The following ADGRG5 variants were observed in gnomAD, a reference collection of about 807,000 sequenced individuals.
The protein encoded by ADGRG5 is adhesion G protein-coupled receptor G5, also known as G protein-coupled receptor 114.
ADGRG5 carries 37 observed loss-of-function variants against 53.2 expected under a neutral mutation model. That is an observed-to-expected ratio of 0.70 (90% confidence interval 0.53 to 0.91). The LOEUF (loss-of-function observed/expected upper bound fraction) is 0.91. ADGRG5 is among the 40% of genes least tolerant of loss of function. The probability of loss-of-function intolerance (pLI) is 0.00; values close to 1 mark genes in which losing one functional copy is unlikely to be tolerated. For synonymous variants in ADGRG5, 277 were observed against 290.4 expected (o/e 0.95, Z 0.47); for missense variants, 614 against 675.8 (o/e 0.91, Z 1.01).
chr16:57,536,763 G>T, the ADGRG5 span, among the ~76,000 whole-genome samples: 1 of 152,138 alleles, frequency 6.6e-6, no homozygotes, highest in African/African-American at 2.4e-5. Context: ...CCGGGGCGGT[G>T]GGCTCTGCTG....
At chr16:57,564,108 C>A in intron 5 of ADGRG5, 129 bp downstream of exon 5, 1 of 1,017,904 alleles carries the variant, frequency 9.8e-7, no homozygotes, top group African/African-American at 1.6e-5. Context: ...TCTGTGCAAT[C>A]CAAGCCAGCA....
intron 1 of ADGRG5, among the ~76,000 whole-genome samples, chr16:57,549,741 A>G (rs1476053990): frequency 6.6e-6 from 1 of 152,184 alleles, no homozygotes; most frequent in Non-Finnish European, 1.5e-5. Flanking sequence ...CTCCCTGGCA[A>G]CTACTGATTT....
chr16:57,545,871 G>T, intron 1 of ADGRG5, among the ~76,000 whole-genome samples: 1 of 152,122 alleles, frequency 6.6e-6, no homozygotes, highest in Non-Finnish European at 1.5e-5. Flanking sequence ...TGTCACCCAG[G>T]CTGGAGTGCA....
chr16:57,568,599 C>A (rs1196377468), intron 9 of ADGRG5, among the ~76,000 whole-genome samples: 1 of 151,334 alleles, frequency 6.6e-6, no homozygotes, highest in Non-Finnish European at 1.5e-5. Flanking sequence ...CCATCATCAC[C>A]ATCATCATCA....
chr16:57,555,957 C>A (rs745497975), intron 1 of ADGRG5, among the ~76,000 whole-genome samples: 1 of 151,974 alleles, frequency 6.6e-6, no homozygotes, highest in Non-Finnish European at 1.5e-5. Flanking sequence ...GCACTTCCCC[C>A]TTCTCTCTCT....
chr16:57,556,179 A>G (rs191384185), intron 1 of ADGRG5, among the ~76,000 whole-genome samples: 18 of 152,254 alleles, frequency 1.2e-4, no homozygotes, highest in East Asian at 5.8e-4. Context: ...ATCATTTTAC[A>G]TGTAATTTAT....
At chr16:57,555,507 A>G (rs1239355673) in intron 1 of ADGRG5, among the ~76,000 whole-genome samples, 1 of 152,204 alleles carries the variant, frequency 6.6e-6, no homozygotes, top group Non-Finnish European at 1.5e-5. Context: ...TATATCTTCT[A>G]TATCAATTTT....
At chr16:57,544,747 T>G (rs2032575696) in intron 1 of ADGRG5, among the ~76,000 whole-genome samples, 1 of 152,136 alleles carries the variant, frequency 6.6e-6, no homozygotes, top group Admixed American at 6.5e-5. Flanking sequence ...TTCAGTAGCT[T>G]CTTTTGCCTC....
chr16:57,553,615 A>G (rs1181236741), intron 1 of ADGRG5, among the ~76,000 whole-genome samples: 1 of 152,132 alleles, frequency 6.6e-6, no homozygotes, highest in Non-Finnish European at 1.5e-5. Flanking sequence ...AGGTAGTGTG[A>G]CTCCTCCAAC....
the ADGRG5 span, among the ~76,000 whole-genome samples, chr16:57,530,642 C>T: frequency 1.3e-5 from 2 of 152,198 alleles, no homozygotes; most frequent in African/African-American, 4.8e-5. Context: ...ACGGCCCCCT[C>T]CTCTCTGCCC....
the ADGRG5 span, chr16:57,529,083 A>T: frequency 8.6e-7 from 1 of 1,168,220 alleles, no homozygotes; most frequent in Non-Finnish European, 1.1e-6. This position sits in a 1 kb window ranked among gnomAD's most constrained non-coding sequence, Gnocchi z 4.1. Flanking sequence ...GGCAGGCCCC[A>T]TGCGCTCCGG....
At chr16:57,529,282 C>A in the ADGRG5 span, 32 of 1,117,966 alleles carry the variant, frequency 2.9e-5, no homozygotes, top group Non-Finnish European at 3.5e-5. The surrounding 1 kb of genome is among the most constrained non-coding windows in gnomAD (Gnocchi z 4.1). Flanking sequence ...ACGCCGTGCC[C>A]CGCTTCCCTC....
chr16:57,556,908 C>CTTTTTTTTTTTTTTTTTTT lies in ADGRG5; in HGVS notation c.-38-5147_-38-5129dup, dbSNP rs35948606. ...GAAGAAGTTCTTATTTTGCCTTCTT[C>CTTTTTTTTTTTTTTTTTTT]TTTTTTTTTTTTTTTTTTTGAGACA... On this transcript the variant is annotated intron_variant, in intron 1 of 11. Transcript: ENST00000349457. 2.0e-4 allele frequency among the ~76,000 whole-genome samples: 23 copies of CTTTTTTTTTTTTTTTTTTT among 115,750 alleles called. 1 individual carries two copies. The highest frequency in any genetic ancestry group is 8.0e-4 in the African/African-American group (22 of 27,432). 75.9% of individuals were successfully genotyped at this position (115,750 alleles called of 152,430 possible).
At position 57,574,850 on chromosome 16, in the gene ADGRG5, TG is replaced by T; in HGVS notation, c.1246del (p.Val416SerfsTer76). The T allele has an allele frequency of 1.2e-6, 2 of 1,607,772 alleles. No individual in the cohort carries two copies. Among genetic ancestry groups the T allele is most frequent in the Non-Finnish European group, 1.7e-6 (2 of 1,176,952 alleles). On this transcript the variant is annotated frameshift_variant, in exon 11 of 12. Coordinates refer to ENST00000349457, the MANE Select transcript of ADGRG5 (RefSeq NM_001304376.3). LOFTEE classifies it high-confidence loss of function. This position sits in a 1 kb window ranked among gnomAD's most constrained non-coding sequence, Gnocchi z 4.4. ...CGGAGCCCCGTGGTGCACAGTGTCC[TG>T]GTCATGGGCTACGGCGGCCTCACGT... ...WVRSPVVHSVLVMGYGGLTSL... is the reference protein window; with the variant it reads ...WVRSPVVHSVXVMGYGGLTSL...
chr16:57,574,955 T>G lies in ADGRG5; in HGVS notation c.1349T>G (p.Val450Gly). ...RLRERADAPS[V>G]RACHDTVTVL... ...CGGGAGCGGGCGGATGCACCAAGTG[T>G]CAGGGCCTGCCATGACACTGTCACT... The change falls in exon 11 of 12, where the codon GTC becomes GGC. Residue 450 changes from valine to glycine, a missense_variant. Coordinates refer to ENST00000349457, the MANE Select transcript of ADGRG5 (RefSeq NM_001304376.3). This position sits in a 1 kb window ranked among gnomAD's most constrained non-coding sequence, Gnocchi z 4.4. 1 of 1,613,598 alleles carries G rather than the reference T, an allele frequency of 6.2e-7. No individual in the cohort carries two copies. Among genetic ancestry groups the G allele is most frequent in the South Asian group, 1.1e-5 (1 of 91,078 alleles).
rs2033046122 is a variant in ADGRG5 at position 57,563,172 on chromosome 16, GTCTCTGGCCTTCAAGCTGAGCTGTGACT to G, written c.233_260del (p.Phe78SerfsTer3). 1.2e-6 allele frequency: 2 copies of G among 1,614,142 alleles called. No individual in the cohort carries two copies. The highest frequency in any genetic ancestry group is 1.7e-6 in the Non-Finnish European group (2 of 1,179,986). On this transcript the variant is annotated frameshift_variant, in exon 4 of 12. Coordinates refer to ENST00000349457, the MANE Select transcript of ADGRG5 (RefSeq NM_001304376.3). LOFTEE classifies it high-confidence loss of function. ...TGACCTTGCAGACACCCACCATCCA[GTCTCTGGCCTTCAAGCTGAGCTGTGACT>G]TCTCTGGCCTCTCGCTGACCAGTGC...
intron 9 of ADGRG5, among the ~76,000 whole-genome samples, chr16:57,569,342 CCACCTCCAT>C (rs199960836): frequency 0.028 from 4,244 of 149,204 alleles, 219 homozygotes; most frequent in African/African-American, 0.097. Context: ...ACCACCACCT[CCACCTCCAT>C]CACCTCCATC....
chr16:57,560,662 G>A (rs1295469140), intron 1 of ADGRG5, among the ~76,000 whole-genome samples: 2 of 152,228 alleles, frequency 1.3e-5, no homozygotes, highest in Admixed American at 6.5e-5. Context: ...TAAACTTTGT[G>A]TGGAGCAGGA....
the ADGRG5 span, among the ~76,000 whole-genome samples, chr16:57,531,305 C>T: frequency 4.6e-5 from 7 of 152,012 alleles, no homozygotes; most frequent in Non-Finnish European, 1.0e-4. Flanking sequence ...AAGGCACTTC[C>T]TCACTCCTTC....
Sources: gnomAD v4.1 joint callset for allele counts (sites outside exome capture counted in the v4.1 genomes callset) on GRCh38, gnomAD v4.1.1 for gene constraint, Gnocchi (gnomAD v3.1) non-coding constraint, MANE v1.5 for transcripts, NCBI Gene and HGNC (gene_info 2026-07-23, HGNC 2026-07-21) for gene names.